Variants in TBX4 observed in about 807,000 individuals in gnomAD.
TBX4 encodes the protein T-box transcription factor TBX4.
TBX4 carries 13 observed loss-of-function variants against 54.6 expected under a neutral mutation model. The observed-to-expected ratio is 0.24, with a 90% CI of 0.15 to 0.38. The LOEUF (loss-of-function observed/expected upper bound fraction) is 0.38, where lower values mean the gene tolerates loss of function less well. TBX4 is among the 10% of genes least tolerant of loss of function. TBX4 has a pLI of 1.00. For synonymous variants in TBX4, 314 were observed against 306.7 expected (o/e 1.02, Z -0.25); for missense variants, 631 against 728.5 (o/e 0.87, Z 1.54).
At chr17:61,458,454 T>TAC (rs2060471040) in intron 3 of TBX4, among the ~76,000 whole-genome samples, 1 of 151,748 alleles carries the variant, frequency 6.6e-6, no homozygotes, top group African/African-American at 2.4e-5. Context: ...CCCCTGCACA[T>TAC]ACACACACTT....
rs1349553581 is a variant in TBX4 at position 61,478,640 on chromosome 17, C to G, written c.563C>G (p.Ser188Cys). The part of the protein sequence containing the change: ...LDPFGHIILN[S>C]MHKYQPRLHI... ...CTTCTCTTCCAGATCATCCTCAACTCTATGCACAAGTACCAGCCGCGGCTC... is the reference window on the plus strand; with the variant it reads ...CTTCTCTTCCAGATCATCCTCAACTGTATGCACAAGTACCAGCCGCGGCTC... Residue 188 changes from serine to cysteine, a missense_variant, in exon 6 of 9, where the codon TCT (serine) becomes TGT (cysteine). By Grantham distance (112) the Ser-to-Cys change is moderately radical (BLOSUM62 -1). Around this residue, in one of 3 missense-constraint regions of TBX4, gnomAD observed 154 missense variants for 238.6 expected, o/e 0.65. Coordinates refer to ENST00000644296, the MANE Select transcript of TBX4 (RefSeq NM_001321120.2). The surrounding 1 kb of genome is among the most constrained non-coding windows in gnomAD (Gnocchi z 7.4). The G allele has an allele frequency of 6.2e-7, 1 of 1,614,246 alleles. No homozygotes were observed. The highest frequency in any genetic ancestry group is 1.7e-5 in the Admixed American group (1 of 60,038).
In TBX4 at chr17:61,482,794, C is replaced by T. The variant is rs916639896; in HGVS notation, c.1022-103C>T. 50 of 1,527,240 alleles carry T rather than the reference C, an allele frequency of 3.3e-5. No individual in the cohort carries two copies. The African/African-American group carries it at 5.7e-4, about 18-fold the overall frequency. The allele number at this position is 1,527,240 out of a possible 1,614,324, so 94.6% of individuals were successfully genotyped here. ...GAGTGCCATGGCAACATGGGGAGGG[C>T]GGGCGCAGAGGGACAAGGACAGGCT... On this transcript the variant is annotated intron_variant, in intron 8 of 8. Transcript: ENST00000644296.
In TBX4 at chr17:61,480,014, G is replaced by A; in HGVS notation, c.791+45G>A. On this transcript the variant is annotated intron_variant, in intron 7 of 8. Coordinates refer to ENST00000644296, the MANE Select transcript of TBX4 (RefSeq NM_001321120.2). This position sits in a 1 kb window ranked among gnomAD's most constrained non-coding sequence, Gnocchi z 6.2. ...GGGTGGGGCGGGCAGATGGGATTCA[G>A]GCACGTGGCCTCTGTGACCCTCGAT... The A allele has an allele frequency of 6.2e-7, 1 of 1,612,932 alleles. No individual in the cohort carries two copies. Among genetic ancestry groups the A allele is most frequent in the Non-Finnish European group, 8.5e-7 (1 of 1,179,002 alleles).
At chr17:61,470,587 C>T (rs758446556) in intron 5 of TBX4, among the ~76,000 whole-genome samples, 8 of 152,184 alleles carry the variant, frequency 5.3e-5, no homozygotes, top group Non-Finnish European at 1.2e-4. Flanking sequence ...AGGAATTTTC[C>T]AGTCTGAACC....
At position 61,465,863 on chromosome 17, in the gene TBX4, C is replaced by T; in HGVS notation, c.326C>T (p.Pro109Leu). The T allele has an allele frequency of 1.9e-6, 3 of 1,614,146 alleles. No homozygotes were observed. Among genetic ancestry groups the T allele is most frequent in the East Asian group, 4.5e-5 (2 of 44,884 alleles). The change falls in exon 4 of 9, where the codon CCC (proline) becomes CTC (leucine). Residue 109 changes from proline (P) to leucine (L), a missense_variant. This residue lies in a region of TBX4 where 154 missense variants were observed against 238.6 expected (regional missense o/e 0.65). Coordinates refer to ENST00000644296, the MANE Select transcript of TBX4 (RefSeq NM_001321120.2). The surrounding 1 kb of genome is among the most constrained non-coding windows in gnomAD (Gnocchi z 4.9). Reference protein sequence around the residue: ...SYKVKVTGMNPKTKYILLIDI... With the variant: ...SYKVKVTGMNLKTKYILLIDI... Reference sequence around the variant, plus strand: ...AAGGTAAAAGTCACAGGCATGAACCCCAAGACCAAGTATATCCTGCTGATT... The same window carrying T: ...AAGGTAAAAGTCACAGGCATGAACCTCAAGACCAAGTATATCCTGCTGATT...
chr17:61,480,039 T>A lies in TBX4; in HGVS notation c.792-51T>A, dbSNP rs747457322. The stretch of plus-strand genomic sequence containing the variant: ...GGCACGTGGCCTCTGTGACCCTCGA[T>A]GTATCTTCACTCTCTTCCTGTCTCT... On this transcript the variant is annotated intron_variant, in intron 7 of 8. Coordinates refer to ENST00000644296, the MANE Select transcript of TBX4 (RefSeq NM_001321120.2). The surrounding 1 kb of genome is among the most constrained non-coding windows in gnomAD (Gnocchi z 6.2). 7 of 1,611,680 alleles carry A rather than the reference T, an allele frequency of 4.3e-6. No individual in the cohort carries two copies. The Admixed American group carries it at 6.7e-5, about 15-fold the overall frequency.
chr17:61,457,502 T>G lies in TBX4; in HGVS notation c.187-35T>G. 6.3e-7 allele frequency: 1 copy of G among 1,599,456 alleles called. No individual in the cohort carries two copies. The highest frequency in any genetic ancestry group is 8.6e-7 in the Non-Finnish European group (1 of 1,166,858). On this transcript the variant is annotated intron_variant, in intron 2 of 8. Transcript: ENST00000644296. This position sits in a 1 kb window ranked among gnomAD's most constrained non-coding sequence, Gnocchi z 8.2. ...CAGGCTCCGCGTGGAGCCCTGGGCC[T>G]GGCAGACACAAGTTTCTCTCCCTCC...
Position 61,462,113 on chromosome 17 carries a change from A to G in TBX4, c.282-3706A>G, listed in dbSNP as rs1603249875. On this transcript the variant is annotated intron_variant, in intron 3 of 8. Coordinates refer to ENST00000644296, the MANE Select transcript of TBX4 (RefSeq NM_001321120.2). The surrounding 1 kb of genome is among the most constrained non-coding windows in gnomAD (Gnocchi z 4.5). ...GTTGCCAGAATTAAAAAAGCCCCAAACCCTTGCCCCGCGCCCCGCGCGCCT... is the reference window on the plus strand; with the variant it reads ...GTTGCCAGAATTAAAAAAGCCCCAAGCCCTTGCCCCGCGCCCCGCGCGCCT... 1.3e-5 allele frequency among the ~76,000 whole-genome samples: 2 copies of G among 151,788 alleles called. No homozygotes were observed. The highest frequency in any genetic ancestry group is 2.9e-5 in the Non-Finnish European group (2 of 67,882).
In TBX4 at chr17:61,465,383, C is replaced by T. The variant is rs1170568740; in HGVS notation, c.282-436C>T. 6.6e-6 allele frequency among the ~76,000 whole-genome samples: 1 copy of T among 152,218 alleles called. No individual in the cohort carries two copies. The highest frequency in any genetic ancestry group is 2.4e-5 in the African/African-American group (1 of 41,444). On this transcript the variant is annotated intron_variant, in intron 3 of 8. Coordinates refer to ENST00000644296, the MANE Select transcript of TBX4 (RefSeq NM_001321120.2). The surrounding 1 kb of genome is among the most constrained non-coding windows in gnomAD (Gnocchi z 4.9). Reference sequence around the variant, plus strand: ...GACGGGGGTTTCCGTCCCCCTATAACTGCACCCCAGAACTTCACTTGTGTG... The same window carrying T: ...GACGGGGGTTTCCGTCCCCCTATAATTGCACCCCAGAACTTCACTTGTGTG...
At position 61,483,066 on chromosome 17, in the gene TBX4, T is replaced by C; in HGVS notation, c.1191T>C (p.Gly397=). Residue 397 remains glycine, a synonymous_variant, in exon 9 of 9, where the codon GGT becomes GGC. Transcript: ENST00000644296. The surrounding 1 kb of genome is among the most constrained non-coding windows in gnomAD (Gnocchi z 6.6). ...CCAGAGAAGCATGTATGTACTCAGG[T>C]TCAGGGCCCGAGATTGCCGGGGTGT... is the stretch of plus-strand genomic sequence containing the variant. The part of the protein sequence containing the change: ...VTPREACMYS[G]SGPEIAGVSG... The C allele has an allele frequency of 2.5e-6, 4 of 1,613,728 alleles. No individual in the cohort carries two copies. The highest frequency in any genetic ancestry group is 3.4e-6 in the Non-Finnish European group (4 of 1,179,926).
In TBX4 at chr17:61,462,705, A is replaced by G. The variant is rs1466233348; in HGVS notation, c.282-3114A>G. On this transcript the variant is annotated intron_variant, in intron 3 of 8. Coordinates refer to ENST00000644296, the MANE Select transcript of TBX4 (RefSeq NM_001321120.2). The surrounding 1 kb of genome is among the most constrained non-coding windows in gnomAD (Gnocchi z 4.5). Reference sequence around the variant, plus strand: ...ACACACAGTGTCTTCCTTCTTGGTCACCTCCCCCACCCCAACACACAAACA... The same window carrying G: ...ACACACAGTGTCTTCCTTCTTGGTCGCCTCCCCCACCCCAACACACAAACA... Among the ~76,000 whole-genome samples, 1 of 151,940 alleles carries G rather than the reference A, an allele frequency of 6.6e-6. No homozygotes were observed. The highest frequency in any genetic ancestry group is 2.4e-5 in the African/African-American group (1 of 41,340).
At position 61,479,985 on chromosome 17, in the gene TBX4, C is replaced by T. The variant is rs1260637108; in HGVS notation, c.791+16C>T. Reference sequence around the variant, plus strand: ...GACTGCAGAGGTGGGGCTGCGTAGCCTGGGGGTGGGGCGGGCAGATGGGAT... The same window carrying T: ...GACTGCAGAGGTGGGGCTGCGTAGCTTGGGGGTGGGGCGGGCAGATGGGAT... On this transcript the variant is annotated intron_variant, in intron 7 of 8. Transcript: ENST00000644296. The surrounding 1 kb of genome is among the most constrained non-coding windows in gnomAD (Gnocchi z 6.1). The T allele has an allele frequency of 6.2e-7, 1 of 1,613,896 alleles. No homozygotes were observed. The highest frequency in any genetic ancestry group is 1.1e-5 in the South Asian group (1 of 91,060).
chr17:61,478,293 TG>T lies in TBX4; in HGVS notation c.550-333del. 1 of 383,540 alleles carries T rather than the reference TG, an allele frequency of 2.6e-6. No homozygotes were observed. The highest frequency in any genetic ancestry group is 2.1e-5 in the African/African-American group (1 of 48,478). The allele number at this position is 383,540 out of a possible 1,614,324, so 23.8% of individuals were successfully genotyped here. Reference sequence around the variant, plus strand: ...TTTGCTGACAGCTCACAATTCCACCTGCTACACTGTGCTGAGTTCACAGTGG... The same window carrying T: ...TTTGCTGACAGCTCACAATTCCACCTCTACACTGTGCTGAGTTCACAGTGG... On this transcript the variant is annotated intron_variant, in intron 5 of 8. Coordinates refer to ENST00000644296, the MANE Select transcript of TBX4 (RefSeq NM_001321120.2). This position sits in a 1 kb window ranked among gnomAD's most constrained non-coding sequence, Gnocchi z 7.4.
intron 5 of TBX4, among the ~76,000 whole-genome samples, chr17:61,471,290 G>A (rs1219476619): frequency 6.6e-6 from 1 of 152,218 alleles, no homozygotes; most frequent in East Asian, 1.9e-4. Context: ...AGAGAGAAAG[G>A]TTGGGGTCCT....
chr17:61,475,764 T>G lies in TBX4; in HGVS notation c.550-2863T>G, dbSNP rs1444704792. ...CTGCACAGCCTTCATGAGGTGCTGGTGCCTATGGCTCTGTCCTGGGTTCTC... is the reference window on the plus strand; with the variant it reads ...CTGCACAGCCTTCATGAGGTGCTGGGGCCTATGGCTCTGTCCTGGGTTCTC... On this transcript the variant is annotated intron_variant, in intron 5 of 8. Coordinates refer to ENST00000644296, the MANE Select transcript of TBX4 (RefSeq NM_001321120.2). The surrounding 1 kb of genome is among the most constrained non-coding windows in gnomAD (Gnocchi z 5.0). Among the ~76,000 whole-genome samples, 1 of 152,160 alleles carries G rather than the reference T, an allele frequency of 6.6e-6. No homozygotes were observed. The highest frequency in any genetic ancestry group is 2.4e-5 in the African/African-American group (1 of 41,440).
rs1487181075 is a variant in TBX4 at position 61,472,253 on chromosome 17, C to A, written c.549+4596C>A. ...TTTGAAAATATCACCAAATTCCCCT[C>A]CATGGGAGCTGTACTGATGTATATA... On this transcript the variant is annotated intron_variant, in intron 5 of 8. Coordinates refer to ENST00000644296, the MANE Select transcript of TBX4 (RefSeq NM_001321120.2). The surrounding 1 kb of genome is among the most constrained non-coding windows in gnomAD (Gnocchi z 4.5). Among the ~76,000 whole-genome samples, 1 of 152,186 alleles carries A rather than the reference C, an allele frequency of 6.6e-6. No homozygotes were observed. The highest frequency in any genetic ancestry group is 2.4e-5 in the African/African-American group (1 of 41,444).
In TBX4 at chr17:61,475,403, T is replaced by C. The variant is rs1002783913; in HGVS notation, c.550-3224T>C. On this transcript the variant is annotated intron_variant, in intron 5 of 8. Coordinates refer to ENST00000644296, the MANE Select transcript of TBX4 (RefSeq NM_001321120.2). The surrounding 1 kb of genome is among the most constrained non-coding windows in gnomAD (Gnocchi z 5.0). ...CCCTGCTCTTAAGCAATGCACATCT[T>C]CCTGAATTTCCCAGAAGGTTCTGAG... Among the ~76,000 whole-genome samples, 1 of 152,208 alleles carries C rather than the reference T, an allele frequency of 6.6e-6. No individual in the cohort carries two copies. The highest frequency in any genetic ancestry group is 1.5e-5 in the Non-Finnish European group (1 of 68,034).
At chr17:61,458,726 C>G (rs753315985) in intron 3 of TBX4, among the ~76,000 whole-genome samples, 17 of 152,194 alleles carry the variant, frequency 1.1e-4, no homozygotes, top group Admixed American at 2.6e-4. Context: ...TGTAAAGCAC[C>G]AAGTTCCTGT....
In TBX4 at chr17:61,474,247, CAT is replaced by C. The variant is rs1199678958; in HGVS notation, c.550-4379_550-4378del. ...TTTTGAGGGGCTAGCATCCAGATAA[CAT>C]GTGTTCTGTGTTCTGTAGGGCCTGC... On this transcript the variant is annotated intron_variant, in intron 5 of 8. Coordinates refer to ENST00000644296, the MANE Select transcript of TBX4 (RefSeq NM_001321120.2). The surrounding 1 kb of genome is among the most constrained non-coding windows in gnomAD (Gnocchi z 4.6). 6.6e-6 allele frequency among the ~76,000 whole-genome samples: 1 copy of C among 152,164 alleles called. No individual in the cohort carries two copies. The highest frequency in any genetic ancestry group is 1.9e-4 in the East Asian group (1 of 5,198).
Sources: gnomAD v4.1 joint callset for allele counts (sites outside exome capture counted in the v4.1 genomes callset) on GRCh38, gnomAD v4.1.1 for gene constraint, gnomAD v4.1.1 regional missense constraint, Gnocchi (gnomAD v3.1) non-coding constraint, MANE v1.5 for transcripts, NCBI Gene and HGNC (gene_info 2026-07-23, HGNC 2026-07-21) for gene names.